The following CADM2 variants were observed in gnomAD, a reference collection of about 807,000 sequenced individuals.
The protein encoded by CADM2 is cell adhesion molecule 2.
Under a neutral mutation model 49.8 loss-of-function variants are expected in CADM2, and 12 were observed. The ratio of observed to expected loss-of-function variants is 0.24; its 90% confidence interval spans 0.15 to 0.39. The LOEUF (loss-of-function observed/expected upper bound fraction) is 0.39, where lower values mean the gene tolerates loss of function less well. Ranked by LOEUF, CADM2 falls within the 10% of genes least tolerant of loss-of-function variation. The probability of loss-of-function intolerance (pLI) is 1.00; values close to 1 mark genes in which losing one functional copy is unlikely to be tolerated. For missense variants in CADM2, 378 were observed against 492.3 expected (o/e 0.77, Z 2.20); for synonymous variants, 214 against 175.4 (o/e 1.22, Z -1.74).
At chr3:85,972,104 T>A (rs1490836225) in intron 8 of CADM2, among the ~76,000 whole-genome samples, 3 of 151,616 alleles carry the variant, frequency 2.0e-5, no homozygotes, top group East Asian at 3.9e-4. Context: ...GTGGTTATCA[T>A]TTAAGTAAGA....
intron 1 of CADM2, among the ~76,000 whole-genome samples, chr3:85,554,878 T>TTA (rs767185127): frequency 1.0e-4 from 14 of 136,954 alleles, no homozygotes; most frequent in South Asian, 7.1e-4. Flanking sequence ...TTTTTTTTAT[T>TTA]TTTATTTTTT....
At chr3:86,062,235 G>A (rs1738745147) in intron 8 of CADM2, among the ~76,000 whole-genome samples, 1 of 152,082 alleles carries the variant, frequency 6.6e-6, no homozygotes. Flanking sequence ...GAAAACTTGA[G>A]CAAGAGGTGG....
intron 8 of CADM2, among the ~76,000 whole-genome samples, chr3:86,005,462 A>G (rs1016598439): frequency 1.3e-5 from 2 of 151,956 alleles, no homozygotes; most frequent in Admixed American, 6.6e-5. Flanking sequence ...GAGGCAGGAG[A>G]ATTGCTGGAA....
chr3:85,738,308 T>C (rs1473799159), intron 2 of CADM2, among the ~76,000 whole-genome samples: 1 of 152,242 alleles, frequency 6.6e-6, no homozygotes, highest in Non-Finnish European at 1.5e-5. Flanking sequence ...GTTTGATTCA[T>C]TGAAGACCTG....
chr3:85,708,587 G>T (rs1157143330), intron 1 of CADM2, among the ~76,000 whole-genome samples: 2 of 152,132 alleles, frequency 1.3e-5, no homozygotes, highest in African/African-American at 4.8e-5. Context: ...ATGGATCACT[G>T]TAAGTCTTTA....
At chr3:85,984,770 A>G (rs891259765) in intron 8 of CADM2, among the ~76,000 whole-genome samples, 21 of 151,916 alleles carry the variant, frequency 1.4e-4, no homozygotes, top group Admixed American at 4.6e-4. Context: ...AATCCATGTA[A>G]AACTTCAAAT....
intron 2 of CADM2, among the ~76,000 whole-genome samples, chr3:85,738,525 G>C: frequency 6.6e-6 from 1 of 152,150 alleles, no homozygotes; most frequent in East Asian, 1.9e-4. Flanking sequence ...TGGCACAACA[G>C]GTGGCATGGC....
In CADM2 at chr3:85,566,643, G is replaced by A. The variant is rs1030435026; in HGVS notation, c.62-159879G>A. Among the ~76,000 whole-genome samples, 11 of 152,190 alleles carry A rather than the reference G, an allele frequency of 7.2e-5. 1 individual carries two copies. Among genetic ancestry groups the A allele is most frequent in the Admixed American group, 2.0e-4 (3 of 15,284 alleles). Reference sequence around the variant, plus strand: ...TCTAGTATAAATGGAGCTCACCTCCGTAACAAAAAAATTGGAAAATCTGCT... The same window carrying A: ...TCTAGTATAAATGGAGCTCACCTCCATAACAAAAAAATTGGAAAATCTGCT... On this transcript the variant is annotated intron_variant, in intron 1 of 9. Coordinates refer to ENST00000383699, the MANE Select transcript of CADM2 (RefSeq NM_001167675.2).
intron 3 of CADM2, among the ~76,000 whole-genome samples, chr3:85,862,589 T>C (rs2075578158): frequency 6.6e-6 from 1 of 152,192 alleles, no homozygotes; most frequent in African/African-American, 2.4e-5. Context: ...TAACACATTT[T>C]TTGGCATTAT....
intron 1 of CADM2, among the ~76,000 whole-genome samples, chr3:85,641,809 T>C (rs2107553824): frequency 6.7e-6 from 1 of 150,140 alleles, no homozygotes; most frequent in South Asian, 2.1e-4. Flanking sequence ...CAGGCGCCTG[T>C]AGTCCCAGCT....
At chr3:85,670,204 CTT>C (rs2065695723) in intron 1 of CADM2, among the ~76,000 whole-genome samples, 1 of 152,102 alleles carries the variant, frequency 6.6e-6, no homozygotes, top group African/African-American at 2.4e-5. Context: ...GAACAATACT[CTT>C]TGTGTGCTTT....
At chr3:85,795,315 A>T (rs891259211) in intron 2 of CADM2, among the ~76,000 whole-genome samples, 1 of 152,198 alleles carries the variant, frequency 6.6e-6, no homozygotes, top group Non-Finnish European at 1.5e-5. Flanking sequence ...ATCAGAAGTA[A>T]AAGGCAATTC....
intron 1 of CADM2, among the ~76,000 whole-genome samples, chr3:85,091,611 A>T (rs1169307203): frequency 1.3e-5 from 2 of 152,160 alleles, no homozygotes; most frequent in African/African-American, 4.8e-5. Context: ...TAAACTTATT[A>T]AAACTGAGCT....
At chr3:85,660,938 G>A (rs568459645) in intron 1 of CADM2, among the ~76,000 whole-genome samples, 38 of 151,450 alleles carry the variant, frequency 2.5e-4, no homozygotes, top group East Asian at 7.8e-4. Flanking sequence ...AGAAGCACGA[G>A]GTACAACTGC....
chr3:85,065,855 A>G (rs1276584962), intron 1 of CADM2, among the ~76,000 whole-genome samples: 1 of 152,192 alleles, frequency 6.6e-6, no homozygotes, highest in Non-Finnish European at 1.5e-5. Context: ...TATATGAAAA[A>G]AATATAATGA....
At chr3:85,528,167 C>T (rs2061214169) in intron 1 of CADM2, among the ~76,000 whole-genome samples, 1 of 152,156 alleles carries the variant, frequency 6.6e-6, no homozygotes, top group Non-Finnish European at 1.5e-5. Flanking sequence ...TTTCTCTCCT[C>T]AGGAACCTCT....
chr3:85,498,095 C>G (rs1368971308), intron 1 of CADM2, among the ~76,000 whole-genome samples: 2 of 151,690 alleles, frequency 1.3e-5, no homozygotes, highest in Non-Finnish European at 2.9e-5. Flanking sequence ...CAAGATCAAA[C>G]AAGGTGACAT....
chr3:85,392,314 G>C (rs1404835403), intron 1 of CADM2, among the ~76,000 whole-genome samples: 1 of 151,990 alleles, frequency 6.6e-6, no homozygotes, highest in African/African-American at 2.4e-5. Flanking sequence ...ATGTTGACTT[G>C]AGGCTTTTCT....
intron 1 of CADM2, among the ~76,000 whole-genome samples, chr3:85,455,203 A>C (rs1434527370): frequency 6.6e-6 from 1 of 152,244 alleles, no homozygotes; most frequent in African/African-American, 2.4e-5. Flanking sequence ...TAAAAATCAA[A>C]GCCACAATAA....
Sources: allele counts gnomAD v4.1 joint callset (sites outside exome capture counted in the v4.1 genomes callset), GRCh38; gene constraint gnomAD v4.1.1; transcripts MANE v1.5; gene names NCBI Gene and HGNC (gene_info 2026-07-23, HGNC 2026-07-21).